BCL2L15: variants seen among roughly 807,000 people sequenced by gnomAD.
BCL2L15 encodes the protein BCL2 like 15, also known as bcl-2-like protein 15.
A neutral mutation model predicts 18.3 loss-of-function variants in BCL2L15; 15 were observed. The ratio of observed to expected loss-of-function variants is 0.82; its 90% CI spans 0.55 to 1.26. The LOEUF (loss-of-function observed/expected upper bound fraction) is 1.26. Among genes scored for constraint, BCL2L15 ranks in the 50% most tolerant of loss-of-function variants. The pLI is 0.00. For missense variants in BCL2L15, 180 were observed against 201.7 expected, an observed-to-expected ratio of 0.89 and a Z score of 0.65; for synonymous variants, 58 against 68.5, an observed-to-expected ratio of 0.85 and a Z score of 0.76.
intron 2 of BCL2L15, 44 bp downstream of exon 2, chr1:113,886,493 T>C: frequency 6.3e-7 from 1 of 1,578,916 alleles, no homozygotes; most frequent in Non-Finnish European, 8.6e-7. Flanking sequence ...AAGTTTGAAA[T>C]AGAAAAAAAA....
chr1:113,882,989 A>G (rs1571511555), intron 2 of BCL2L15, among the ~76,000 whole-genome samples: 1 of 152,182 alleles, frequency 6.6e-6, no homozygotes, highest in African/African-American at 2.4e-5. Flanking sequence ...ATTCATTAAA[A>G]TAATTGAGTA....
At chr1:113,882,085 TCTTA>T in intron 2 of BCL2L15, 88 bp from the exon 3 acceptor site, 1 of 1,009,080 alleles carries the variant, frequency 9.9e-7, no homozygotes, top group East Asian at 2.6e-5. Flanking sequence ...AGCAATTGTT[TCTTA>T]GAGTGCCAAA....
chr1:113,882,434 C>G (rs1266353297), intron 2 of BCL2L15, among the ~76,000 whole-genome samples: 1 of 152,124 alleles, frequency 6.6e-6, no homozygotes, highest in Non-Finnish European at 1.5e-5. Context: ...CACCTGAGGT[C>G]AGGAGTTCAA....
In BCL2L15 at chr1:113,880,561, G is replaced by C. The variant is rs1291704974; in HGVS notation, c.*562C>G. 6.6e-6 allele frequency: 1 copy of C among 152,650 alleles called. No homozygotes were observed. The highest frequency in any genetic ancestry group is 1.9e-4 in the East Asian group (1 of 5,198). The allele number at this position is 152,650 out of a possible 1,614,324, so 9.5% of individuals were successfully genotyped here. ...GAATGGAGTGAAACCGGGAGGTGGA[G>C]CTTGCAGTGAGCTGAGATCGCACCA... On this transcript the variant is annotated 3_prime_UTR_variant, in exon 4 of 4. Coordinates refer to ENST00000393316, the MANE Select transcript of BCL2L15 (RefSeq NM_001010922.3).
chr1:113,885,107 C>T (rs1374286943), intron 2 of BCL2L15, among the ~76,000 whole-genome samples: 4 of 152,024 alleles, frequency 2.6e-5, no homozygotes, highest in Admixed American at 2.6e-4. Context: ...AGGTGTGTGC[C>T]ACCATGCCCA....
chr1:113,887,269 C>T lies in BCL2L15; in HGVS notation c.107G>A (p.Cys36Tyr). The T allele has an allele frequency of 1.2e-6, 2 of 1,614,118 alleles. No homozygotes were observed. Among genetic ancestry groups the T allele is most frequent in the African/African-American group, 2.7e-5 (2 of 75,044 alleles). Residue 36 changes from cysteine (C) to tyrosine (Y), a missense_variant, in exon 1 of 4, where the codon TGT becomes TAT. Coordinates refer to ENST00000393316, the MANE Select transcript of BCL2L15 (RefSeq NM_001010922.3). ...TLQVASRNLCCVDEVDSGEPC... is the reference protein window; with the variant it reads ...TLQVASRNLCYVDEVDSGEPC... Reference sequence around the variant, plus strand: ...CTTACCTGAATCTACTTCATCTACACAGCATAGGTTCCGGCTGGCAACCTG... The same window carrying T: ...CTTACCTGAATCTACTTCATCTACATAGCATAGGTTCCGGCTGGCAACCTG...
At chr1:113,881,504 G>C in intron 3 of BCL2L15, 4 of 1,361,738 alleles carry the variant, frequency 2.9e-6, no homozygotes, top group East Asian at 5.5e-5. Context: ...ATACTTTATA[G>C]ATGATTATGT....
intron 2 of BCL2L15, among the ~76,000 whole-genome samples, chr1:113,883,425 A>G (rs1181043237): frequency 6.7e-6 from 1 of 150,024 alleles, no homozygotes; most frequent in Non-Finnish European, 1.5e-5. Flanking sequence ...GAGGTTGAAG[A>G]GAGCCGAGAT....
rs138573184 is a variant in BCL2L15, at chr1:113,884,760, ATTAT to A, written c.249+1773_249+1776del. Among the ~76,000 whole-genome samples, 25 of 151,686 alleles carry A rather than the reference ATTAT, an allele frequency of 1.6e-4. No individual in the cohort carries two copies. The East Asian group carries it at 3.1e-3, about 19-fold the overall frequency. On this transcript the variant is annotated intron_variant, in intron 2 of 3. Transcript: ENST00000393316. ...TTTTATTAAAACAAGTTCAAGTCAAATTATTTATTTATTTATTTATGTTTTTTTT... is the reference window on the plus strand; with the variant it reads ...TTTTATTAAAACAAGTTCAAGTCAAATTATTTATTTATTTATGTTTTTTTT...
In BCL2L15 at chr1:113,887,281, C is replaced by T. The variant is rs368423811; in HGVS notation, c.95G>A (p.Arg32Gln). Residue 32 changes from arginine to glutamine, a missense_variant, in exon 1 of 4, where the codon CGG becomes CAG. Transcript: ENST00000393316. The stretch of plus-strand genomic sequence containing the variant: ...TACTTCATCTACACAGCATAGGTTC[C>T]GGCTGGCAACCTGCAATGTTGGGCT... Reference protein sequence around the residue: ...FLSPTLQVASRNLCCVDEVDS... With the variant: ...FLSPTLQVASQNLCCVDEVDS... 47 of 1,613,920 alleles carry T rather than the reference C, an allele frequency of 2.9e-5. No homozygotes were observed. The highest frequency in any genetic ancestry group is 1.0e-4 in the Admixed American group (6 of 59,984).
In BCL2L15 at chr1:113,881,105, G is replaced by C. The variant is rs781103473; in HGVS notation, c.*18C>G. Reference sequence around the variant, plus strand: ...CAACAAGGAAGTGATGTTCAGTCTCGTGAATAGCTCCAACTCTTCAGCTCT... The same window carrying C: ...CAACAAGGAAGTGATGTTCAGTCTCCTGAATAGCTCCAACTCTTCAGCTCT... On this transcript the variant is annotated 3_prime_UTR_variant, in exon 4 of 4. Coordinates refer to ENST00000393316, the MANE Select transcript of BCL2L15 (RefSeq NM_001010922.3). The C allele has an allele frequency of 6.2e-7, 1 of 1,613,934 alleles. No homozygotes were observed. The highest frequency in any genetic ancestry group is 1.7e-5 in the Admixed American group (1 of 59,978).
chr1:113,881,066 A>G lies in BCL2L15; in HGVS notation c.*57T>C. The G allele has an allele frequency of 1.2e-6, 2 of 1,613,172 alleles. No individual in the cohort carries two copies. Among genetic ancestry groups the G allele is most frequent in the South Asian group, 1.1e-5 (1 of 90,986 alleles). On this transcript the variant is annotated 3_prime_UTR_variant, in exon 4 of 4. Transcript: ENST00000393316. ...TGTTTGTTTGAATTCCCAGGAATCA[A>G]TCACCCAATCAGTCAACAAGGAAGT...
In BCL2L15 at chr1:113,880,915, AAAC is replaced by A; in HGVS notation, c.*205_*207del. ...CTCTGTGGTTTGCATTAAGTTGACA[AAAC>A]AAAACAAAACAAAAACCAACTCTGC... On this transcript the variant is annotated 3_prime_UTR_variant, in exon 4 of 4. Coordinates refer to ENST00000393316, the MANE Select transcript of BCL2L15 (RefSeq NM_001010922.3). The A allele has an allele frequency of 1.7e-6, 1 of 592,470 alleles. No individual in the cohort carries two copies. Among genetic ancestry groups the A allele is most frequent in the South Asian group, 2.1e-5 (1 of 47,582 alleles). 36.7% of individuals were successfully genotyped at this position (592,470 alleles called of 1,614,324 possible).
Position 113,877,336 on chromosome 1 carries a change from T to A in BCL2L15, c.*3787A>T, listed in dbSNP as rs576634478. Among the ~76,000 whole-genome samples the A allele has an allele frequency of 1.1e-3, 169 of 151,250 alleles. No homozygotes were observed. Among genetic ancestry groups the A allele is most frequent in the African/African-American group, 3.9e-3 (159 of 41,144 alleles). On this transcript the variant is annotated 3_prime_UTR_variant, in exon 4 of 4. Coordinates refer to ENST00000393316, the MANE Select transcript of BCL2L15 (RefSeq NM_001010922.3). Reference sequence around the variant, plus strand: ...AGCAGCTGAAGGTTTTTTTTTTTTTTTTAAAAAAAACAACCTTATTAAGGT... The same window carrying A: ...AGCAGCTGAAGGTTTTTTTTTTTTTATTAAAAAAAACAACCTTATTAAGGT...
chr1:113,881,284 C>A, intron 3 of BCL2L15, 144 bp from the exon 4 acceptor site: 1 of 1,259,516 alleles, frequency 7.9e-7, no homozygotes, highest in East Asian at 2.5e-5. Context: ...AAGGAGTGCT[C>A]TATGACAGCA....
intron 2 of BCL2L15, among the ~76,000 whole-genome samples, 170 bp downstream of exon 2, chr1:113,886,367 T>TA (rs1254501709): frequency 6.6e-6 from 1 of 152,232 alleles, no homozygotes; most frequent in Admixed American, 6.5e-5. Flanking sequence ...TCCATCTCTG[T>TA]ACCACTTAGG....
intron 3 of BCL2L15, chr1:113,881,546 A>G (rs1377213763): frequency 1.4e-6 from 2 of 1,394,066 alleles, no homozygotes. Context: ...TACAGTAGTC[A>G]GCAGTCAATA....
At chr1:113,887,177 A>T in intron 1 of BCL2L15, 72 bp downstream of exon 1, 13 of 1,447,530 alleles carry the variant, frequency 9.0e-6, no homozygotes, top group Non-Finnish European at 1.2e-5. Context: ...GGATTACGGG[A>T]ATCAGTCACT....
At position 113,887,230 on chromosome 1, in the gene BCL2L15, C is replaced by G; in HGVS notation, c.127+19G>C. Reference sequence around the variant, plus strand: ...TACTCTTATTGACCTGCAATCACCGCCTAGGGCAGGAACCTTACCTGAATC... The same window carrying G: ...TACTCTTATTGACCTGCAATCACCGGCTAGGGCAGGAACCTTACCTGAATC... On this transcript the variant is annotated intron_variant, in intron 1 of 3. Coordinates refer to ENST00000393316, the MANE Select transcript of BCL2L15 (RefSeq NM_001010922.3). The G allele has an allele frequency of 6.2e-7, 1 of 1,612,420 alleles. No homozygotes were observed. The highest frequency in any genetic ancestry group is 8.5e-7 in the Non-Finnish European group (1 of 1,178,608).
Sources: allele counts gnomAD v4.1 joint callset (sites outside exome capture counted in the v4.1 genomes callset), GRCh38; gene constraint gnomAD v4.1.1; transcripts MANE v1.5; gene names NCBI Gene and HGNC (gene_info 2026-07-23, HGNC 2026-07-21).